THADA: variants seen among roughly 807,000 people sequenced by gnomAD.
THADA encodes tRNA (32-2'-O)-methyltransferase regulator THADA.
THADA carries 213 observed loss-of-function variants against 219.8 expected under a neutral mutation model. The ratio of observed to expected loss-of-function variants is 0.97; its 90% CI spans 0.87 to 1.09. The LOEUF is 1.09. THADA is among the 50% of genes least tolerant of loss of function. THADA has a pLI of 0.00. For synonymous variants in THADA, 1,018 were observed against 828.9 expected, an observed-to-expected ratio of 1.23 and a Z score of -3.92; for missense variants, 2,956 against 2,311.3, an observed-to-expected ratio of 1.28 and a Z score of -5.72.
intron 1 of THADA, among the ~76,000 whole-genome samples, chr2:43,594,538 C>G (rs1397967306): frequency 6.6e-6 from 1 of 151,980 alleles, no homozygotes; most frequent in Non-Finnish European, 1.5e-5. Context: ...GAGCCGAGAT[C>G]GTGCCACTGC....
At chr2:43,571,143 C>T (rs990208767) in intron 13 of THADA, among the ~76,000 whole-genome samples, 3 of 152,096 alleles carry the variant, frequency 2.0e-5, no homozygotes, top group Non-Finnish European at 4.4e-5. Flanking sequence ...GTCATCCCAG[C>T]TACTTCAGAG....
chr2:43,489,101 G>A (rs1253730610), intron 25 of THADA, among the ~76,000 whole-genome samples: 1 of 151,888 alleles, frequency 6.6e-6, no homozygotes, highest in African/African-American at 2.4e-5. Flanking sequence ...CCATTCTGTG[G>A]GTTGTCTTTA....
intron 30 of THADA, among the ~76,000 whole-genome samples, chr2:43,330,838 G>T (rs10166994): frequency 1.3e-5 from 2 of 152,078 alleles, no homozygotes; most frequent in African/African-American, 4.8e-5. Context: ...CAGGCCTCGG[G>T]AGAGGAAGAA....
At chr2:43,300,205 G>A (rs1676093098) in intron 31 of THADA, among the ~76,000 whole-genome samples, 1 of 151,140 alleles carries the variant, frequency 6.6e-6, no homozygotes, top group Non-Finnish European at 1.5e-5. Context: ...GCACCATCTC[G>A]GCTCACTGCA....
chr2:43,419,018 C>T (rs1427040503), intron 28 of THADA, among the ~76,000 whole-genome samples: 1 of 152,126 alleles, frequency 6.6e-6, no homozygotes, highest in Non-Finnish European at 1.5e-5. Flanking sequence ...TAAACACAGA[C>T]CACCTTTTCC....
chr2:43,432,110 C>A (rs1573616567), intron 26 of THADA, among the ~76,000 whole-genome samples: 2 of 139,696 alleles, frequency 1.4e-5, no homozygotes, highest in Non-Finnish European at 3.0e-5. Context: ...CCCGCCTCGG[C>A]CTCCCAAAGT....
intron 21 of THADA, among the ~76,000 whole-genome samples, chr2:43,531,944 T>C (rs922673998): frequency 9.2e-5 from 14 of 151,722 alleles, no homozygotes; most frequent in South Asian, 4.2e-4. Context: ...AAAAACCCAA[T>C]AGGCAAACAT....
rs548628008 is a variant in THADA at position 43,549,649 on chromosome 2, C to A, written c.2948-281G>T. ...CCACCATGTCATCTACACTGCTTTTCTTAGTGTTGTCTAAATATCTCAAAT... is the reference window on the plus strand; with the variant it reads ...CCACCATGTCATCTACACTGCTTTTATTAGTGTTGTCTAAATATCTCAAAT... On this transcript the variant is annotated intron_variant, in intron 19 of 37. Coordinates refer to ENST00000405975, the MANE Select transcript of THADA (RefSeq NM_022065.5). 4.6e-5 allele frequency among the ~76,000 whole-genome samples: 7 copies of A among 152,232 alleles called. No homozygotes were observed. The South Asian group carries it at 1.4e-3, about 32-fold the overall frequency.
At chr2:43,339,624 CAT>C (rs2104523635) in intron 30 of THADA, among the ~76,000 whole-genome samples, 1 of 152,328 alleles carries the variant, frequency 6.6e-6, no homozygotes, top group African/African-American at 2.4e-5. Flanking sequence ...AAGAAACACA[CAT>C]GCAATATATA....
chr2:43,577,021 C>T lies in THADA; in HGVS notation c.1037+1G>A. On this transcript the variant is annotated splice_donor_variant, in intron 10 of 37. Transcript: ENST00000405975. LOFTEE classifies it high-confidence loss of function. ...TATGAGACGATAGCATCAAAACTCA[C>T]TGTGAACTCAAGGTGAACAAAACAT... 6.2e-7 allele frequency: 1 copy of T among 1,611,358 alleles called. No individual in the cohort carries two copies. The highest frequency in any genetic ancestry group is 8.5e-7 in the Non-Finnish European group (1 of 1,178,658).
At chr2:43,553,455 TC>T (rs1696988879) in intron 17 of THADA, among the ~76,000 whole-genome samples, 1 of 152,200 alleles carries the variant, frequency 6.6e-6, no homozygotes, top group African/African-American at 2.4e-5. Flanking sequence ...TGCTCTCTCT[TC>T]CTGCCATGTG....
intron 26 of THADA, among the ~76,000 whole-genome samples, chr2:43,476,858 CT>C (rs748074662): frequency 2.0e-5 from 3 of 152,148 alleles, no homozygotes; most frequent in Admixed American, 6.6e-5. Flanking sequence ...AAATTATGTT[CT>C]TCTGACAAAA....
chr2:43,430,188 T>G, intron 27 of THADA, 25 bp downstream of exon 27: 1 of 1,269,866 alleles, frequency 7.9e-7, no homozygotes, highest in Non-Finnish European at 1.1e-6. Context: ...TGAGGTCATT[T>G]TGCCCCACCC....
intron 25 of THADA, among the ~76,000 whole-genome samples, chr2:43,487,452 C>T (rs998629237): frequency 3.9e-4 from 59 of 152,238 alleles, no homozygotes; most frequent in African/African-American, 1.3e-3. Flanking sequence ...TGAATGGATA[C>T]CCTCTGAAAC....
chr2:43,269,863 G>C (rs1396355522), intron 36 of THADA, among the ~76,000 whole-genome samples: 1 of 152,174 alleles, frequency 6.6e-6, no homozygotes, highest in Non-Finnish European at 1.5e-5. Flanking sequence ...GAGGCCCAGA[G>C]AGACCAAGGC....
Position 43,231,087 on chromosome 2 carries a change from T to C in THADA, c.5723A>G (p.Glu1908Gly), listed in dbSNP as rs765307257. The C allele has an allele frequency of 1.9e-6, 3 of 1,613,854 alleles. No homozygotes were observed. Among genetic ancestry groups the C allele is most frequent in the Non-Finnish European group, 2.5e-6 (3 of 1,179,874 alleles). Residue 1908 changes from glutamate (E) to glycine (G), a missense_variant, in exon 38 of 38, where the codon GAG becomes GGG. Transcript: ENST00000405975. Reference sequence around the variant, plus strand: ...CCTCAAGCAAGCCAAAGTCCTTTCCTCTTGAATGCGTAGTCTTGTGAACTC... The same window carrying C: ...CCTCAAGCAAGCCAAAGTCCTTTCCCCTTGAATGCGTAGTCTTGTGAACTC... ...TVEFTRLRIQ[E>G]ERTLACLRLL...
At chr2:43,505,005 G>A (rs944484009) in intron 24 of THADA, among the ~76,000 whole-genome samples, 2 of 152,178 alleles carry the variant, frequency 1.3e-5, no homozygotes, top group African/African-American at 2.4e-5. Flanking sequence ...GTGAAGTGGA[G>A]CTATGAGGAG....
intron 31 of THADA, among the ~76,000 whole-genome samples, chr2:43,305,838 C>G (rs1676791305): frequency 6.6e-6 from 1 of 152,124 alleles, no homozygotes; most frequent in African/African-American, 2.4e-5. Context: ...ACATGACAAC[C>G]CAAAGACACA....
chr2:43,566,846 G>C, intron 14 of THADA, 25 bp from the exon 15 acceptor site: 1 of 1,241,686 alleles, frequency 8.1e-7, no homozygotes, highest in Non-Finnish European at 1.1e-6. Flanking sequence ...AAAAATTACA[G>C]TAAGTATAAT....
Sources: gnomAD v4.1 joint callset for allele counts (sites outside exome capture counted in the v4.1 genomes callset) on GRCh38, gnomAD v4.1.1 for gene constraint, MANE v1.5 for transcripts, NCBI Gene and HGNC (gene_info 2026-07-23, HGNC 2026-07-21) for gene names.